ZSCAN25: variants seen among roughly 807,000 people sequenced by gnomAD.
The protein encoded by ZSCAN25 is zinc finger and SCAN domain containing 25, also known as zinc finger and SCAN domain-containing protein 25.
Under a neutral mutation model 38.7 loss-of-function variants are expected in ZSCAN25, and 27 were observed. The observed-to-expected ratio is 0.70, with a 90% CI of 0.51 to 0.96. The LOEUF (loss-of-function observed/expected upper bound fraction) is 0.96, where lower values mean the gene tolerates loss of function less well. Ranked by LOEUF, ZSCAN25 falls within the 40% of genes least tolerant of loss-of-function variation. The pLI is 0.00. For missense variants in ZSCAN25, 637 were observed against 705.9 expected (o/e 0.90, Z 1.11); for synonymous variants, 273 against 277.7 (o/e 0.98, Z 0.17).
chr7:99,643,364 C>T, the ZSCAN25 span, among the ~76,000 whole-genome samples: 1 of 152,102 alleles, frequency 6.6e-6, no homozygotes, highest in Non-Finnish European at 1.5e-5. Flanking sequence ...CGGAAAGTCT[C>T]CTTACAAACC....
At chr7:99,664,859 C>G in the ZSCAN25 span, among the ~76,000 whole-genome samples, 1 of 151,988 alleles carries the variant, frequency 6.6e-6, no homozygotes, top group East Asian at 1.9e-4. Context: ...TAAAAAACAA[C>G]AGAGAAAAAT....
At chr7:99,652,189 A>G in the ZSCAN25 span, 1 of 148,682 alleles carries the variant, frequency 6.7e-6, no homozygotes, top group Non-Finnish European at 1.5e-5. Context: ...ATATATATAC[A>G]TATATATGTA....
At position 99,619,595 on chromosome 7, in the gene ZSCAN25, G is replaced by A. The variant is rs1238036887; in HGVS notation, c.-12G>A. 6.2e-7 allele frequency: 1 copy of A among 1,605,860 alleles called. No individual in the cohort carries two copies. Among genetic ancestry groups the A allele is most frequent in the African/African-American group, 1.3e-5 (1 of 74,774 alleles). On this transcript the variant is annotated 5_prime_UTR_variant, in exon 4 of 8. Coordinates refer to ENST00000394152, the MANE Select transcript of ZSCAN25 (RefSeq NM_145115.3). ...TGCAGTCATTCTCAGTCTCCTCGGA[G>A]GGAGTCTGAAGATGCTTAAAGAGCA...
chr7:99,664,250 G>A, the ZSCAN25 span, among the ~76,000 whole-genome samples: 5 of 152,154 alleles, frequency 3.3e-5, no homozygotes, highest in Admixed American at 2.0e-4. Flanking sequence ...CTTTCAGGCC[G>A]GCGACTGAGC....
chr7:99,621,397 C>A lies in ZSCAN25; in HGVS notation c.412C>A (p.Gln138Lys). Reference sequence around the variant, plus strand: ...GGTTCCATGCCACAGGCAGGGAGAGCAGGAGGAAACAGCACTTTGCAGAGG... The same window carrying A: ...GGTTCCATGCCACAGGCAGGGAGAGAAGGAGGAAACAGCACTTTGCAGAGG... ...KAVPCHRQGE[Q>K]EETALCRGAW... The change falls in exon 5 of 8, where the codon CAG (glutamine) becomes AAG (lysine). Residue 138 changes from glutamine (Q) to lysine (K), a missense_variant. By Grantham distance (53) the Gln-to-Lys change is moderately conservative. Coordinates refer to ENST00000394152, the MANE Select transcript of ZSCAN25 (RefSeq NM_145115.3). 1 of 1,465,392 alleles carries A rather than the reference C, an allele frequency of 6.8e-7. No individual in the cohort carries two copies. Among genetic ancestry groups the A allele is most frequent in the Non-Finnish European group, 9.1e-7 (1 of 1,095,882 alleles). 90.8% of individuals were successfully genotyped at this position (1,465,392 alleles called of 1,614,324 possible).
At chr7:99,637,941 T>G in the ZSCAN25 span, among the ~76,000 whole-genome samples, 1 of 152,156 alleles carries the variant, frequency 6.6e-6, no homozygotes, top group African/African-American at 2.4e-5. Flanking sequence ...AAATCAATTA[T>G]TACAAAGGAC....
At chr7:99,660,788 G>A in the ZSCAN25 span, 3 of 1,129,984 alleles carry the variant, frequency 2.7e-6, no homozygotes, top group Non-Finnish European at 3.8e-6. Flanking sequence ...GTCACACTGG[G>A]AGTGGTTTTC....
chr7:99,730,942 T>C, the ZSCAN25 span: 1 of 1,364,184 alleles, frequency 7.3e-7, no homozygotes, highest in Non-Finnish European at 1.0e-6. Flanking sequence ...GCCTACACGC[T>C]ATTTCTGAAA....
rs1562972156 is a variant in ZSCAN25, at chr7:99,630,338, C to T, written c.*318C>T. ...AACAAAGCTGGGAGTAAAGGCAAAA[C>T]CTTGACACGTGTTGGTAGCTGGGAC... On this transcript the variant is annotated 3_prime_UTR_variant, in exon 8 of 8. Transcript: ENST00000394152. 3.5e-6 allele frequency: 4 copies of T among 1,131,682 alleles called. No individual in the cohort carries two copies. Among genetic ancestry groups the T allele is most frequent in the East Asian group, 4.9e-5 (1 of 20,308 alleles). 70.1% of individuals were successfully genotyped at this position (1,131,682 alleles called of 1,614,324 possible). A position where few individuals can be genotyped will look rare whatever the true frequency, so the allele number is the denominator to read the frequency against.
chr7:99,668,315 G>A, the ZSCAN25 span, among the ~76,000 whole-genome samples: 2 of 152,274 alleles, frequency 1.3e-5, no homozygotes, highest in African/African-American at 4.8e-5. Context: ...ATATTCACGG[G>A]ATGAAAGGCT....
Position 99,629,356 on chromosome 7 carries a change from T to C in ZSCAN25, c.971T>C (p.Leu324Pro). The C allele has an allele frequency of 6.2e-7, 1 of 1,614,190 alleles. No individual in the cohort carries two copies. The highest frequency in any genetic ancestry group is 8.5e-7 in the Non-Finnish European group (1 of 1,180,032). ...PGGPAGSAPGLPPPQHGAIPL... is the reference protein window; with the variant it reads ...PGGPAGSAPGPPPPQHGAIPL... ...GGCCCTGCAGGCAGTGCGCCTGGGCTTCCTCCTCCCCAGCACGGTGCCATC... is the reference window on the plus strand; with the variant it reads ...GGCCCTGCAGGCAGTGCGCCTGGGCCTCCTCCTCCCCAGCACGGTGCCATC... Residue 324 changes from leucine to proline, a missense_variant, in exon 8 of 8, where the codon CTT becomes CCT. Physicochemically the swap from Leu to Pro is moderately conservative, Grantham distance 98 (BLOSUM62 -3). Coordinates refer to ENST00000394152, the MANE Select transcript of ZSCAN25 (RefSeq NM_145115.3). The surrounding 1 kb of genome is among the most constrained non-coding windows in gnomAD (Gnocchi z 5.6).
the ZSCAN25 span, chr7:99,665,073 AC>A: frequency 1.8e-6 from 2 of 1,103,340 alleles, no homozygotes; most frequent in Non-Finnish European, 2.6e-6. Flanking sequence ...ATGGAATTGT[AC>A]CTTTTAAGTG....
At chr7:99,678,161 G>A in the ZSCAN25 span, among the ~76,000 whole-genome samples, 2 of 152,220 alleles carry the variant, frequency 1.3e-5, no homozygotes, top group African/African-American at 4.8e-5. Context: ...CTGGCTGCCC[G>A]AGTCTGTAGT....
chr7:99,658,014 C>T, the ZSCAN25 span, among the ~76,000 whole-genome samples: 39 of 151,994 alleles, frequency 2.6e-4, no homozygotes, highest in East Asian at 1.5e-3. Flanking sequence ...TACAGCACAC[C>T]GATGGGTCTT....
chr7:99,719,974 GT>G, the ZSCAN25 span, among the ~76,000 whole-genome samples: 1 of 152,122 alleles, frequency 6.6e-6, no homozygotes, highest in Non-Finnish European at 1.5e-5. Flanking sequence ...TCCCATTTGG[GT>G]GACAGAGTGT....
chr7:99,720,390 T>C, the ZSCAN25 span: 1 of 1,613,742 alleles, frequency 6.2e-7, no homozygotes, highest in South Asian at 1.1e-5. Context: ...ATAGCCAGCA[T>C]AGGCTGTTGA....
At position 99,619,756 on chromosome 7, in the gene ZSCAN25, C is replaced by A. The variant is rs1322872189; in HGVS notation, c.150C>A (p.Tyr50Ter). 4 of 1,614,130 alleles carry A rather than the reference C, an allele frequency of 2.5e-6. No individual in the cohort carries two copies. Among genetic ancestry groups the A allele is most frequent in the Non-Finnish European group, 3.4e-6 (4 of 1,180,048 alleles). Residue 50 changes from tyrosine to a stop codon, truncating the protein, a stop_gained, in exon 4 of 8, where the codon TAC becomes TAA. Transcript: ENST00000394152. LOFTEE classifies it high-confidence loss of function. ...GGCTGAGGTTTCGGCAGTTCCGCTACCAGGAGGCAGCTGGACCCCAGGAAG... is the reference window on the plus strand; with the variant it reads ...GGCTGAGGTTTCGGCAGTTCCGCTAACAGGAGGCAGCTGGACCCCAGGAAG... ...TFRLRFRQFR[Y>*]QEAAGPQEAL... is the part of the protein sequence containing the mutation.
the ZSCAN25 span, among the ~76,000 whole-genome samples, chr7:99,651,649 A>G: frequency 1.3e-5 from 2 of 152,332 alleles, no homozygotes; most frequent in East Asian, 3.9e-4. Flanking sequence ...GGGCTAATGA[A>G]AGTCTAGATC....
chr7:99,674,647 A>C, the ZSCAN25 span: 1 of 1,421,636 alleles, frequency 7.0e-7, no homozygotes, highest in Non-Finnish European at 9.8e-7. Context: ...CCTACCTCTA[A>C]TTGGGGCTGA....
Sources: allele counts gnomAD v4.1 joint callset (sites outside exome capture counted in the v4.1 genomes callset), GRCh38; gene constraint gnomAD v4.1.1; non-coding constraint Gnocchi (gnomAD v3.1); transcripts MANE v1.5; gene names NCBI Gene and HGNC (gene_info 2026-07-23, HGNC 2026-07-21).